The following RYR3 variants were observed in gnomAD, a reference collection of about 807,000 sequenced individuals.
RYR3 encodes the protein brain ryanodine receptor-calcium release channel.
A neutral mutation model predicts 584.3 loss-of-function variants in RYR3; 207 were observed. The observed-to-expected ratio is 0.35, with a 90% CI of 0.32 to 0.40. RYR3 has a LOEUF of 0.40. RYR3 is among the 10% of genes least tolerant of loss of function. The probability of loss-of-function intolerance (pLI) is 1.00; values close to 1 mark genes in which losing one functional copy is unlikely to be tolerated. For missense variants in RYR3, 5,616 were observed against 6,089.2 expected (o/e 0.92, Z 2.59); for synonymous variants, 2,416 against 2,248.5 (o/e 1.07, Z -2.11).
At chr15:33,727,583 G>T (rs562204771) in intron 46 of RYR3, among the ~76,000 whole-genome samples, 1 of 152,142 alleles carries the variant, frequency 6.6e-6, no homozygotes, top group Non-Finnish European at 1.5e-5. Flanking sequence ...CACCAGGCAC[G>T]CATGAGAGAG....
intron 3 of RYR3, among the ~76,000 whole-genome samples, chr15:33,516,567 C>A (rs2053542472): frequency 6.6e-6 from 1 of 152,098 alleles, no homozygotes; most frequent in South Asian, 2.1e-4. Flanking sequence ...AACTCCTGAC[C>A]TCAAGTGATC....
At chr15:33,424,073 C>G (rs1276030901) in intron 1 of RYR3, among the ~76,000 whole-genome samples, 1 of 152,122 alleles carries the variant, frequency 6.6e-6, no homozygotes, top group East Asian at 1.9e-4. Context: ...GCAAACTGTT[C>G]CCTCATTTCC....
At chr15:33,511,965 A>T (rs2053065153) in intron 3 of RYR3, among the ~76,000 whole-genome samples, 1 of 152,012 alleles carries the variant, frequency 6.6e-6, no homozygotes, top group Admixed American at 6.5e-5. Flanking sequence ...TTTTTAGTAG[A>T]GACGGGGTTT....
In RYR3 at chr15:33,748,057, C is replaced by T; in HGVS notation, c.7990-57C>T. On this transcript the variant is annotated intron_variant, in intron 53 of 103. Transcript: ENST00000634891. ...GATGCACCTTCCATGCGGAGATGGGCCAGGGAGAATGCTGGGGTGTGTTCT... is the reference window on the plus strand; with the variant it reads ...GATGCACCTTCCATGCGGAGATGGGTCAGGGAGAATGCTGGGGTGTGTTCT... 6 of 1,565,078 alleles carry T rather than the reference C, an allele frequency of 3.8e-6. No individual in the cohort carries two copies. The South Asian group carries it at 6.7e-5, about 17-fold the overall frequency.
rs1340158403 is a variant in RYR3 at position 33,628,575 on chromosome 15, G to T, written c.2679G>T (p.Lys893Asn). The change falls in exon 21 of 104, where the codon AAG becomes AAT. Residue 893 changes from lysine (K) to asparagine (N), a missense_variant and splice_region_variant. Coordinates refer to ENST00000634891, the MANE Select transcript of RYR3 (RefSeq NM_001036.6). ...TAGAACTTGGCTGGACTTTCGGCAA[G>T]GTATGTGTCTCAGGGCCAGGTTAGG... ...NKIELGWTFG[K>N]IRDDNKRQHP... is the part of the protein sequence containing the mutation. The T allele has an allele frequency of 6.2e-7, 1 of 1,602,354 alleles. No homozygotes were observed. Among genetic ancestry groups the T allele is most frequent in the South Asian group, 1.1e-5 (1 of 90,822 alleles).
At chr15:33,467,594 A>G in intron 1 of RYR3, 3 of 394,698 alleles carry the variant, frequency 7.6e-6, no homozygotes, top group Non-Finnish European at 1.0e-5. Flanking sequence ...TTTGTCAGAG[A>G]TGACCTGTGA....
chr15:33,853,348 T>C (rs1175929692), intron 95 of RYR3, among the ~76,000 whole-genome samples: 3 of 152,190 alleles, frequency 2.0e-5, no homozygotes, highest in African/African-American at 7.2e-5. Context: ...AATCAAGATA[T>C]CAGTATCAGC....
intron 22 of RYR3, among the ~76,000 whole-genome samples, chr15:33,630,551 T>C (rs2061214097): frequency 1.3e-5 from 2 of 152,242 alleles, no homozygotes; most frequent in Non-Finnish European, 2.9e-5. Flanking sequence ...TAGTTGTCAC[T>C]GCAGAACATT....
intron 12 of RYR3, 29 bp from the exon 13 acceptor site, chr15:33,579,947 C>T (rs2058507821): frequency 6.3e-7 from 1 of 1,589,444 alleles, no homozygotes; most frequent in African/African-American, 1.3e-5. Flanking sequence ...TGGCCAGTGC[C>T]TAAACCATGT....
At chr15:33,665,708 C>T (rs1360812041) in intron 36 of RYR3, among the ~76,000 whole-genome samples, 2 of 152,264 alleles carry the variant, frequency 1.3e-5, no homozygotes, top group Middle Eastern at 3.2e-3. Flanking sequence ...AGCTTGACAA[C>T]ATTTGTAAAG....
intron 2 of RYR3, among the ~76,000 whole-genome samples, chr15:33,499,124 A>G (rs2051715416): frequency 6.6e-6 from 1 of 151,914 alleles, no homozygotes; most frequent in Non-Finnish European, 1.5e-5. Flanking sequence ...GACCCAGTCT[A>G]ATACCTACTT....
intron 12 of RYR3, 69 bp from the exon 13 acceptor site, chr15:33,579,907 C>A: frequency 7.7e-7 from 1 of 1,295,686 alleles, no homozygotes; most frequent in South Asian, 1.6e-5. Context: ...AGGAGTGGGA[C>A]CCAGTGGGTG....
intron 67 of RYR3, among the ~76,000 whole-genome samples, chr15:33,796,876 T>A (rs914374390): frequency 2.0e-5 from 3 of 152,208 alleles, no homozygotes; most frequent in Non-Finnish European, 4.4e-5. Flanking sequence ...GATGCCTGCA[T>A]TTTTAAAAAG....
intron 1 of RYR3, among the ~76,000 whole-genome samples, chr15:33,318,177 G>A (rs1293553684): frequency 2.6e-5 from 4 of 152,218 alleles, no homozygotes; most frequent in Non-Finnish European, 5.9e-5. Flanking sequence ...GTGCAGAATT[G>A]TACAGGCCAT....
chr15:33,670,493 A>G lies in RYR3; in HGVS notation c.5797A>G (p.Lys1933Glu), dbSNP rs2152723506. The change falls in exon 38 of 104, where the codon AAA (lysine) becomes GAA (glutamate). Residue 1933 changes from lysine to glutamate, a missense_variant. Coordinates refer to ENST00000634891, the MANE Select transcript of RYR3 (RefSeq NM_001036.6). Reference protein sequence around the residue: ...WTGKLCALVYKIKGPPKPEKE... With the variant: ...WTGKLCALVYEIKGPPKPEKE... ...AGGAAAACTCTGTGCCTTGGTTTACAAAATCAAAGGCCCACCCAAGCCAGA... is the reference window on the plus strand; with the variant it reads ...AGGAAAACTCTGTGCCTTGGTTTACGAAATCAAAGGCCCACCCAAGCCAGA... The G allele has an allele frequency of 6.2e-7, 1 of 1,609,476 alleles. No individual in the cohort carries two copies. Among genetic ancestry groups the G allele is most frequent in the African/African-American group, 1.3e-5 (1 of 74,702 alleles).
chr15:33,599,728 A>G (rs1466340470), intron 16 of RYR3, among the ~76,000 whole-genome samples: 2 of 152,180 alleles, frequency 1.3e-5, no homozygotes, highest in Non-Finnish European at 2.9e-5. Flanking sequence ...TCACAAACCC[A>G]TTTGAACTAT....
chr15:33,805,467 CTCT>C (rs769965905), intron 69 of RYR3, among the ~76,000 whole-genome samples: 6 of 106,904 alleles, frequency 5.6e-5, no homozygotes, highest in African/African-American at 1.5e-4. Flanking sequence ...ACTTTTCTCT[CTCT>C]TTTTTTTTTT....
intron 28 of RYR3, among the ~76,000 whole-genome samples, chr15:33,644,937 G>A (rs542947276): frequency 2.0e-5 from 3 of 151,852 alleles, no homozygotes; most frequent in South Asian, 2.1e-4. Context: ...CCTTGAGCTC[G>A]GGAGTTCGAG....
intron 27 of RYR3, among the ~76,000 whole-genome samples, chr15:33,642,391 A>G (rs1359463428): frequency 6.6e-6 from 1 of 152,218 alleles, no homozygotes; most frequent in African/African-American, 2.4e-5. Flanking sequence ...AGATAAACCT[A>G]TACTGGTGGT....
Sources: allele counts gnomAD v4.1 joint callset (sites outside exome capture counted in the v4.1 genomes callset), GRCh38; gene constraint gnomAD v4.1.1; transcripts MANE v1.5; gene names NCBI Gene and HGNC (gene_info 2026-07-23, HGNC 2026-07-21).